MGAT4C: variants seen among roughly 807,000 people sequenced by gnomAD.
The protein encoded by MGAT4C is MGAT4 family member C.
A neutral mutation model predicts 40.1 loss-of-function variants in MGAT4C; 19 were observed. That is an observed-to-expected ratio of 0.47 (90% CI 0.33 to 0.70). The LOEUF is 0.70. MGAT4C is among the 30% of genes least tolerant of loss of function. MGAT4C has a pLI of 0.02. For synonymous variants in MGAT4C, 181 were observed against 187.1 expected (o/e 0.97, Z 0.27); for missense variants, 491 against 563.2 (o/e 0.87, Z 1.30).
At chr12:86,116,571 T>G (rs1878459740) in intron 1 of MGAT4C, among the ~76,000 whole-genome samples, 2 of 152,114 alleles carry the variant, frequency 1.3e-5, no homozygotes, top group African/African-American at 4.8e-5. Flanking sequence ...GTAGAAAATT[T>G]AATAAGGACT....
At chr12:86,045,924 T>C (rs1190196726) in intron 2 of MGAT4C, among the ~76,000 whole-genome samples, 1 of 152,224 alleles carries the variant, frequency 6.6e-6, no homozygotes, top group African/African-American at 2.4e-5. Flanking sequence ...TTATCGTGTA[T>C]TTTATTAGTG....
chr12:86,445,829 T>C (rs1957324267), intron 2 of MGAT4C, among the ~76,000 whole-genome samples: 2 of 152,086 alleles, frequency 1.3e-5, no homozygotes, highest in Admixed American at 6.6e-5. Flanking sequence ...GCTGCAAAAA[T>C]GGTTACATTT....
intron 2 of MGAT4C, among the ~76,000 whole-genome samples, chr12:86,704,545 T>C (rs561924615): frequency 1.3e-5 from 2 of 152,298 alleles, no homozygotes; most frequent in African/African-American, 4.8e-5. Context: ...TTAATAAATA[T>C]CTATAGAATA....
chr12:86,503,305 TATATATATATATGAGTTCTGCTC>T lies in MGAT4C; in HGVS notation c.-228-68063_-228-68041del, dbSNP rs1374409584. Among the ~76,000 whole-genome samples the T allele has an allele frequency of 5.1e-3, 40 of 7,806 alleles. 7 individuals carry two copies. The highest frequency in any genetic ancestry group is 7.0e-3 in the Non-Finnish European group (30 of 4,304). 5.1% of individuals were successfully genotyped at this position (7,806 alleles called of 152,430 possible). A position where few individuals can be genotyped will look rare whatever the true frequency, so the allele number is the denominator to read the frequency against. ...TATATATATATATGAGTTCTGCTCA[TATATATATATATGAGTTCTGCTC>T]ATATATATATATGAGTTCTGCTCAT... On this transcript the variant is annotated intron_variant, in intron 2 of 7. Transcript: ENST00000548651.
intron 3 of MGAT4C, among the ~76,000 whole-genome samples, chr12:86,385,280 T>C (rs2136223426): frequency 6.6e-6 from 1 of 152,256 alleles, no homozygotes; most frequent in East Asian, 1.9e-4. Context: ...TATATGCATA[T>C]CATTTCATCT....
chr12:86,563,676 G>C (rs1419579019), intron 2 of MGAT4C, among the ~76,000 whole-genome samples: 2 of 152,168 alleles, frequency 1.3e-5, no homozygotes, highest in African/African-American at 2.4e-5. Context: ...ACTGTGCTTT[G>C]GGGATAGGGG....
intron 1 of MGAT4C, among the ~76,000 whole-genome samples, chr12:86,159,528 G>A (rs950241288): frequency 2.9e-4 from 44 of 151,734 alleles, no homozygotes; most frequent in Admixed American, 5.3e-4. Context: ...TCAGGCTGAT[G>A]CTGCCTTCAT....
intron 2 of MGAT4C, among the ~76,000 whole-genome samples, chr12:86,047,158 C>T (rs1398169343): frequency 6.6e-6 from 1 of 152,062 alleles, no homozygotes; most frequent in East Asian, 1.9e-4. Flanking sequence ...AACTGCTGCA[C>T]TTTTTTTCTG....
chr12:86,213,251 AC>A (rs63630260), intron 1 of MGAT4C, among the ~76,000 whole-genome samples: 99,869 of 151,912 alleles, frequency 0.66, 33,466 homozygotes, highest in South Asian at 0.76. Flanking sequence ...AGAAACATGC[AC>A]TTGTCAAGTT....
chr12:86,463,104 A>G (rs1313008958), intron 2 of MGAT4C, among the ~76,000 whole-genome samples: 1 of 152,130 alleles, frequency 6.6e-6, no homozygotes, highest in African/African-American at 2.4e-5. Flanking sequence ...AATGGAGCCT[A>G]CATCTGGAGC....
At chr12:86,413,634 G>T (rs919534534) in intron 3 of MGAT4C, among the ~76,000 whole-genome samples, 1 of 152,184 alleles carries the variant, frequency 6.6e-6, no homozygotes, top group Non-Finnish European at 1.5e-5. Flanking sequence ...GGAAATTTGC[G>T]CAGAGCAGAG....
At chr12:86,164,355 T>G (rs891455874) in intron 1 of MGAT4C, among the ~76,000 whole-genome samples, 1 of 152,174 alleles carries the variant, frequency 6.6e-6, no homozygotes, top group Non-Finnish European at 1.5e-5. Context: ...TGAAATACTT[T>G]GCAAAACTGA....
At chr12:86,182,143 A>C (rs78193985) in intron 1 of MGAT4C, among the ~76,000 whole-genome samples, 2,242 of 152,214 alleles carry the variant, frequency 0.015, 31 homozygotes, top group African/African-American at 0.035. Flanking sequence ...ACATTGAATA[A>C]AATGATTACT....
intron 2 of MGAT4C, among the ~76,000 whole-genome samples, chr12:86,630,703 C>T (rs1963003898): frequency 6.6e-6 from 1 of 152,156 alleles, no homozygotes; most frequent in Admixed American, 6.5e-5. Flanking sequence ...AATTCAACAA[C>T]ACTTCATGCT....
intron 1 of MGAT4C, among the ~76,000 whole-genome samples, chr12:86,211,506 GA>G (rs1394956390): frequency 6.6e-6 from 1 of 151,012 alleles, no homozygotes; most frequent in Non-Finnish European, 1.5e-5. Context: ...AGAATGGCTG[GA>G]AACCGAGAGG....
intron 1 of MGAT4C, among the ~76,000 whole-genome samples, chr12:86,778,630 T>C (rs1951782528): frequency 6.6e-6 from 1 of 152,194 alleles, no homozygotes; most frequent in African/African-American, 2.4e-5. Context: ...CATCCCTGTT[T>C]TGAAATTGCA....
chr12:86,508,586 G>T (rs962951447), intron 2 of MGAT4C, among the ~76,000 whole-genome samples: 5 of 151,724 alleles, frequency 3.3e-5, no homozygotes, highest in African/African-American at 9.7e-5. Flanking sequence ...TAATGGGATG[G>T]CTGGGTCAAA....
intron 1 of MGAT4C, among the ~76,000 whole-genome samples, chr12:86,171,477 ACACAACCCCTT>A (rs1224331844): frequency 6.6e-6 from 1 of 152,230 alleles, no homozygotes; most frequent in African/African-American, 2.4e-5. Context: ...ACTTTGGTGT[ACACAACCCCTT>A]CACAAATAGT....
intron 1 of MGAT4C, among the ~76,000 whole-genome samples, chr12:86,244,635 A>C (rs1419609374): frequency 6.6e-6 from 1 of 152,230 alleles, no homozygotes; most frequent in Non-Finnish European, 1.5e-5. Context: ...CCTAGAGGCT[A>C]ATGGGGGACA....
Sources: allele counts gnomAD v4.1 joint callset (sites outside exome capture counted in the v4.1 genomes callset), GRCh38; gene constraint gnomAD v4.1.1; transcripts MANE v1.5; gene names NCBI Gene and HGNC (gene_info 2026-07-23, HGNC 2026-07-21).